ACMSD: variants seen among roughly 807,000 people sequenced by gnomAD.
ACMSD encodes the protein aminocarboxymuconate semialdehyde decarboxylase.
In ACMSD, 37 loss-of-function variants were observed where a neutral mutation model predicts 45.9. That is an observed-to-expected ratio of 0.81 (90% CI 0.62 to 1.06). ACMSD has a LOEUF of 1.06. Ranked by LOEUF, ACMSD falls within the 50% of genes least tolerant of loss-of-function variation. The pLI is 0.00. For missense variants in ACMSD, 434 were observed against 420.9 expected (o/e 1.03, Z -0.27); for synonymous variants, 138 against 148.8 (o/e 0.93, Z 0.53).
chr2:134,869,805 G>A (rs1008713478), intron 6 of ACMSD, among the ~76,000 whole-genome samples: 6 of 152,148 alleles, frequency 3.9e-5, no homozygotes, highest in African/African-American at 1.4e-4. Flanking sequence ...ATTCCCAGCA[G>A]AGAAGTGTCA....
At position 134,897,814 on chromosome 2, in the gene ACMSD, T is replaced by C. The variant is rs145641777; in HGVS notation, c.850-527T>C. Reference sequence around the variant, plus strand: ...CTGTTCAAAAACTTATGATCCAGTTTATAGGAATTGTTTATAGGAACTGAT... The same window carrying C: ...CTGTTCAAAAACTTATGATCCAGTTCATAGGAATTGTTTATAGGAACTGAT... On this transcript the variant is annotated intron_variant, in intron 8 of 9. Transcript: ENST00000356140. 4.0e-3 allele frequency among the ~76,000 whole-genome samples: 614 copies of C among 151,854 alleles called. 1 individual carries two copies. The highest frequency in any genetic ancestry group is 0.011 in the Admixed American group (162 of 15,220).
intron 8 of ACMSD, among the ~76,000 whole-genome samples, chr2:134,897,445 A>G (rs978176300): frequency 2.6e-5 from 4 of 152,024 alleles, no homozygotes; most frequent in African/African-American, 4.8e-5. Flanking sequence ...CTATTTGGAG[A>G]TATTCTGTAA....
intron 2 of ACMSD, among the ~76,000 whole-genome samples, chr2:134,858,813 T>C (rs1313428100): frequency 2.0e-5 from 3 of 152,008 alleles, no homozygotes; most frequent in Non-Finnish European, 4.4e-5. Context: ...TGACAAATCA[T>C]ACACTGCCAT....
rs944610797 is a variant in ACMSD at position 134,869,498 on chromosome 2, C to T, written c.581-1467C>T. 3.3e-5 allele frequency among the ~76,000 whole-genome samples: 5 copies of T among 152,120 alleles called. No individual in the cohort carries two copies. The East Asian group carries it at 9.6e-4, about 29-fold the overall frequency. On this transcript the variant is annotated intron_variant, in intron 6 of 9. Coordinates refer to ENST00000356140, the MANE Select transcript of ACMSD (RefSeq NM_138326.3). The stretch of plus-strand genomic sequence containing the variant: ...AAAGTGCTGGGATTACAGGAGTGAA[C>T]CACCGCACCCAGCCCACAAACTTAT...
At position 134,853,146 on chromosome 2, in the gene ACMSD, G is replaced by A. The variant is rs1241336957; in HGVS notation, c.103-6115G>A. On this transcript the variant is annotated intron_variant, in intron 2 of 9. Coordinates refer to ENST00000356140, the MANE Select transcript of ACMSD (RefSeq NM_138326.3). ...CCACTACACTCCAGCCTGGGGAACA[G>A]AGCGAGACTCCATCTCAATCTAAAA... 4.5e-5 allele frequency among the ~76,000 whole-genome samples: 6 copies of A among 134,654 alleles called. No homozygotes were observed. In the South Asian group the frequency reaches 1.4e-3, roughly 32 times the overall value. The allele number at this position is 134,654 out of a possible 152,430, so 88.3% of individuals were successfully genotyped here.
chr2:134,868,911 T>C lies in ACMSD; in HGVS notation c.580+1239T>C, dbSNP rs531473857. On this transcript the variant is annotated intron_variant, in intron 6 of 9. Transcript: ENST00000356140. Reference sequence around the variant, plus strand: ...GATTTTAGTTTCAATTTAGTCTCTATTTCACTGTATTGCCTGTAGTAAATC... The same window carrying C: ...GATTTTAGTTTCAATTTAGTCTCTACTTCACTGTATTGCCTGTAGTAAATC... 8 of 152,358 alleles carry C rather than the reference T, an allele frequency of 5.3e-5. 1 individual carries two copies. The South Asian group carries it at 1.7e-3, about 32-fold the overall frequency. The allele number at this position is 152,358 out of a possible 1,614,324, so 9.4% of individuals were successfully genotyped here.
Position 134,839,170 on chromosome 2 carries a change from A to G in ACMSD, c.57+431A>G, listed in dbSNP as rs115807831. Reference sequence around the variant, plus strand: ...ATATCTCCTTTCCAAAATGTTTAAAATAAGTTTTAGAAGCACCAAGAGATA... The same window carrying G: ...ATATCTCCTTTCCAAAATGTTTAAAGTAAGTTTTAGAAGCACCAAGAGATA... On this transcript the variant is annotated intron_variant, in intron 1 of 9. Coordinates refer to ENST00000356140, the MANE Select transcript of ACMSD (RefSeq NM_138326.3). Among the ~76,000 whole-genome samples, 545 of 152,320 alleles carry G rather than the reference A, an allele frequency of 3.6e-3. 3 individuals are homozygous for G. Among genetic ancestry groups the G allele is most frequent in the African/African-American group, 0.012 (485 of 41,574 alleles).
intron 2 of ACMSD, among the ~76,000 whole-genome samples, chr2:134,849,728 CA>C (rs1268150896): frequency 6.6e-6 from 1 of 152,152 alleles, no homozygotes; most frequent in East Asian, 1.9e-4. Context: ...AAGTGAAAAA[CA>C]TTATTTGTCT....
intron 8 of ACMSD, among the ~76,000 whole-genome samples, chr2:134,893,769 G>T (rs1573724955): frequency 6.6e-6 from 1 of 152,170 alleles, no homozygotes; most frequent in Non-Finnish European, 1.5e-5. Context: ...GAATGAAGGA[G>T]AAATTAAGAC....
intron 2 of ACMSD, among the ~76,000 whole-genome samples, chr2:134,858,352 T>C (rs1687676215): frequency 6.6e-6 from 1 of 152,008 alleles, no homozygotes; most frequent in African/African-American, 2.4e-5. Context: ...AGAAAAATGG[T>C]GGTTACCACA....
Position 134,898,384 on chromosome 2 carries a change from A to G in ACMSD, c.893A>G (p.Glu298Gly). The G allele has an allele frequency of 6.2e-7, 1 of 1,602,980 alleles. No homozygotes were observed. The highest frequency in any genetic ancestry group is 8.5e-7 in the Non-Finnish European group (1 of 1,175,260). Residue 298 changes from glutamate to glycine, a missense_variant, in exon 9 of 10, where the codon GAG (glutamate) becomes GGG (glycine). Physicochemically the swap from Glu to Gly is moderately conservative, Grantham distance 98. Transcript: ENST00000356140. ...LGTDYPFPLGELEPGKLIESM... is the reference protein window; with the variant it reads ...LGTDYPFPLGGLEPGKLIESM... ...ACCGATTACCCCTTTCCACTAGGTGAGCTGGAACCTGGGAAACTAATAGAG... is the reference window on the plus strand; with the variant it reads ...ACCGATTACCCCTTTCCACTAGGTGGGCTGGAACCTGGGAAACTAATAGAG...
intron 2 of ACMSD, among the ~76,000 whole-genome samples, chr2:134,855,595 G>T (rs953138983): frequency 6.6e-6 from 1 of 152,214 alleles, no homozygotes; most frequent in Non-Finnish European, 1.5e-5. Context: ...CATGGTCAAC[G>T]GAGGATCAGA....
At chr2:134,858,415 T>TA (rs1173655541) in intron 2 of ACMSD, among the ~76,000 whole-genome samples, 1 of 152,168 alleles carries the variant, frequency 6.6e-6, no homozygotes, top group African/African-American at 2.4e-5. Context: ...AAATTTCAGT[T>TA]AGACAGGAGG....
At chr2:134,900,123 G>T (rs909324945) in intron 9 of ACMSD, among the ~76,000 whole-genome samples, 1 of 152,168 alleles carries the variant, frequency 6.6e-6, no homozygotes. Context: ...CATTTGATAA[G>T]TACATTGGAA....
At chr2:134,849,270 G>A (rs200586405) in intron 2 of ACMSD, among the ~76,000 whole-genome samples, 25 of 90,082 alleles carry the variant, frequency 2.8e-4, no homozygotes, top group African/African-American at 1.3e-3. Context: ...CACATCTACT[G>A]ACTTATTTCC....
Position 134,863,610 on chromosome 2 carries a change from G to A in ACMSD, c.465G>A (p.Gln155=). The change falls in exon 5 of 10, where the codon CAG becomes CAA. Residue 155 remains glutamine, a synonymous_variant. Transcript: ENST00000356140. ...THVNEWDLNA[Q]ELFPVYAAAE... ...TCAACGAGTGGGACCTGAACGCGCA[G>A]GAGCTCTTTCCTGTCTATGCGGTGA... 1.2e-6 allele frequency: 2 copies of A among 1,614,174 alleles called. No individual in the cohort carries two copies. Among genetic ancestry groups the A allele is most frequent in the Non-Finnish European group, 1.7e-6 (2 of 1,180,014 alleles).
At chr2:134,848,855 G>A (rs1292467175) in intron 2 of ACMSD, among the ~76,000 whole-genome samples, 1 of 152,168 alleles carries the variant, frequency 6.6e-6, no homozygotes, top group Non-Finnish European at 1.5e-5. Context: ...GTCCTGAATG[G>A]TACTGCTTAG....
intron 2 of ACMSD, among the ~76,000 whole-genome samples, chr2:134,846,389 C>T (rs10928519): frequency 0.6 from 91,651 of 151,888 alleles, 29,702 homozygotes; most frequent in Middle Eastern, 0.91. Context: ...TTCTGATGCA[C>T]TGTCAAGGGT....
intron 2 of ACMSD, among the ~76,000 whole-genome samples, chr2:134,847,277 C>A (rs1687093775): frequency 6.6e-6 from 1 of 151,948 alleles, no homozygotes; most frequent in African/African-American, 2.4e-5. Flanking sequence ...GGAGAGGAAG[C>A]CAGAAACCTC....
Sources: gnomAD v4.1 joint callset for allele counts (sites outside exome capture counted in the v4.1 genomes callset) on GRCh38, gnomAD v4.1.1 for gene constraint, MANE v1.5 for transcripts, NCBI Gene and HGNC (gene_info 2026-07-23, HGNC 2026-07-21) for gene names.